The following SSX1 variants were observed in gnomAD, a reference collection of about 807,000 sequenced individuals.
SSX1 encodes SSX family member 1.
A neutral mutation model predicts 14.6 loss-of-function variants in SSX1; 58 were observed. The ratio of observed to expected loss-of-function variants is 3.96; its 90% CI spans 3.21 to 4.93. SSX1 has a LOEUF of 4.93. SSX1 is among the 30% of genes most tolerant of loss of function. The pLI, the probability that SSX1 is intolerant of heterozygous loss-of-function variation, is 0.00. For missense variants in SSX1, 272 were observed against 143.1 expected, an observed-to-expected ratio of 1.90 and a Z score of -4.60; for synonymous variants, 46 against 52.1, an observed-to-expected ratio of 0.88 and a Z score of 0.50.
At chrX:48,259,463 T>A (rs1468893809) in intron 4 of SSX1, among the ~76,000 whole-genome samples, 18 of 109,233 alleles carry the variant, frequency 1.6e-4, no homozygotes, top group African/African-American at 5.0e-4. Flanking sequence ...TGTTTTTTTT[T>A]ATTATACTTT....
At chrX:48,264,252 C>T (rs1399391816) in intron 6 of SSX1, among the ~76,000 whole-genome samples, 3 of 112,075 alleles carry the variant, frequency 2.7e-5, no homozygotes, top group Middle Eastern at 4.2e-3. Context: ...GGTGCTCAAG[C>T]GATTCTATCT....
At position 48,257,783 on chromosome X, in the gene SSX1, A is replaced by G. The variant is rs188890318; in HGVS notation, c.107A>G (p.Glu36Gly). 66 of 1,205,962 alleles carry G rather than the reference A, an allele frequency of 5.5e-5. No homozygotes were observed. In the African/African-American group the frequency reaches 9.1e-4, roughly 17 times the overall value. ...DDIATYFSKK[E>G]WKKMKYSEKI... is the part of the protein sequence containing the mutation. ...ATTGCCACATACTTCTCTAAGAAAG[A>G]GTGGAAAAAGATGAAATACTCGGAG... The change falls in exon 3 of 8, where the codon GAG becomes GGG. Residue 36 changes from glutamate to glycine, a missense_variant. Coordinates refer to ENST00000376919, the MANE Select transcript of SSX1 (RefSeq NM_005635.4).
rs2059605549 is a variant in SSX1 at position 48,261,949 on chromosome X, A to G, written c.330+134A>G. 4.6e-5 allele frequency: 33 copies of G among 709,781 alleles called. 1 individual carries two copies. In the South Asian group the frequency reaches 8.8e-4, roughly 19 times the overall value. 58.5% of individuals were successfully genotyped at this position (709,781 alleles called of 1,213,427 possible). On this transcript the variant is annotated intron_variant, in intron 5 of 7. Transcript: ENST00000376919. ...CCATGTCTATCACAACAACTTATGT[A>G]GCACCGACGGCTTGATAATACTAAC...
intron 5 of SSX1, 28 bp downstream of exon 5, chrX:48,261,843 A>G: frequency 8.3e-7 from 1 of 1,205,428 alleles, no homozygotes. Flanking sequence ...CTAAAGGACC[A>G]GAGAACCTTT....
At chrX:48,259,610 C>T (rs1556935165) in intron 4 of SSX1, among the ~76,000 whole-genome samples, 2 of 110,837 alleles carry the variant, frequency 1.8e-5, no homozygotes, top group African/African-American at 6.6e-5. Flanking sequence ...CCTCTCCCCA[C>T]CCCACAACAG....
rs782696594 is a variant in SSX1 at position 48,265,153 on chromosome X, C to G, written c.467-1134C>G. The stretch of plus-strand genomic sequence containing the variant: ...TGCAGCAGTAAGGCTGTTTTGCTTT[C>G]TTATTCTTGTGTTCACTGGGTATTA... On this transcript the variant is annotated intron_variant, in intron 6 of 7. Coordinates refer to ENST00000376919, the MANE Select transcript of SSX1 (RefSeq NM_005635.4). Among the ~76,000 whole-genome samples the G allele has an allele frequency of 1.5e-4, 17 of 112,382 alleles. No homozygotes were observed. The South Asian group carries it at 6.3e-3, about 42-fold the overall frequency.
chrX:48,257,027 C>T (rs782067714), intron 1 of SSX1, among the ~76,000 whole-genome samples, 195 bp from the exon 2 acceptor site: 1 of 111,366 alleles, frequency 9.0e-6, no homozygotes, highest in South Asian at 3.9e-4. Context: ...CCAAGCAATA[C>T]TTCTCCCAGA....
At chrX:48,262,489 C>A (rs1214128261) in intron 5 of SSX1, among the ~76,000 whole-genome samples, 2 of 111,868 alleles carry the variant, frequency 1.8e-5, no homozygotes, top group African/African-American at 6.5e-5. Flanking sequence ...GCTCTGTTAC[C>A]GGGGCCACTC....
At chrX:48,261,572 T>G (rs1421774110) in intron 4 of SSX1, among the ~76,000 whole-genome samples, 194 bp from the exon 5 acceptor site, 3 of 112,166 alleles carry the variant, frequency 2.7e-5, no homozygotes, top group Non-Finnish European at 5.6e-5. Flanking sequence ...CCATGTGATG[T>G]AAAATTCTGA....
chrX:48,258,578 C>T lies in SSX1; in HGVS notation c.227C>T (p.Ala76Val), dbSNP rs782594887. 2.5e-6 allele frequency: 3 copies of T among 1,208,806 alleles called. No homozygotes were observed. Among genetic ancestry groups the T allele is most frequent in the Non-Finnish European group, 2.2e-6 (2 of 893,762 alleles). Residue 76 changes from alanine to valine, a missense_variant, in exon 4 of 8, where the codon GCC (alanine) becomes GTC (valine). Physicochemically the swap from Ala to Val is moderately conservative, Grantham distance 64. Transcript: ENST00000376919. The part of the protein sequence containing the change: ...TLPPFMCNKQ[A>V]TDFQGNDFDN... ...CCACCTTTCATGTGTAATAAACAGG[C>T]CACAGACTTCCAGGGGAATGATTTT...
rs199778783 is a variant in SSX1 at position 48,266,320 on chromosome X, G to T, written c.500G>T (p.Arg167Ile). Reference sequence around the variant, plus strand: ...AGGGGGAAACATGCCTGGACCCACAGACTGCGTGAGAGAAAGCAGCTGGTG... The same window carrying T: ...AGGGGGAAACATGCCTGGACCCACATACTGCGTGAGAGAAAGCAGCTGGTG... ...PKRGKHAWTH[R>I]LRERKQLVIY... The change falls in exon 7 of 8, where the codon AGA becomes ATA. Residue 167 changes from arginine (R) to isoleucine (I), a missense_variant. Coordinates refer to ENST00000376919, the MANE Select transcript of SSX1 (RefSeq NM_005635.4). 3.6e-5 allele frequency: 44 copies of T among 1,208,164 alleles called. No individual in the cohort carries two copies. Among genetic ancestry groups the T allele is most frequent in the Non-Finnish European group, 4.8e-5 (43 of 895,078 alleles).
intron 4 of SSX1, among the ~76,000 whole-genome samples, chrX:48,260,355 C>T (rs1312507324): frequency 1.1e-3 from 127 of 110,746 alleles, no homozygotes; most frequent in South Asian, 6.1e-3. Context: ...GATATTAGCC[C>T]TTTGTCAGAT....
At chrX:48,255,894 CT>C (rs782152875) in intron 1 of SSX1, among the ~76,000 whole-genome samples, 148 of 77,477 alleles carry the variant, frequency 1.9e-3, no homozygotes, top group South Asian at 9.2e-3. Context: ...CCTGCCCATG[CT>C]TTTTTTTTTT....
At chrX:48,260,198 G>A (rs1257770713) in intron 4 of SSX1, among the ~76,000 whole-genome samples, 4 of 104,794 alleles carry the variant, frequency 3.8e-5, no homozygotes, top group African/African-American at 1.4e-4. Flanking sequence ...TTCTCTGATG[G>A]CCAGTGATGG....
chrX:48,263,120 G>A (rs1317850144), intron 5 of SSX1, among the ~76,000 whole-genome samples: 5 of 107,919 alleles, frequency 4.6e-5, no homozygotes, highest in African/African-American at 1.7e-4. Flanking sequence ...GTGACAGAGC[G>A]AGACTTTGTC....
chrX:48,264,226 G>A (rs1556936051), intron 6 of SSX1, among the ~76,000 whole-genome samples: 1 of 111,937 alleles, frequency 8.9e-6, no homozygotes, highest in Non-Finnish European at 1.9e-5. Context: ...AATCCTGAAG[G>A]CCTGATGACA....
In SSX1 at chrX:48,264,766, T is replaced by A. The variant is rs139671949; in HGVS notation, c.466+849T>A. 8.4e-4 allele frequency among the ~76,000 whole-genome samples: 95 copies of A among 112,986 alleles called. No individual in the cohort carries two copies. The East Asian group carries it at 0.02, about 23-fold the overall frequency. ...GAACTTCTTTCAAAGTTGGAGTCAA[T>A]CATCTCTAGCTATGAAAGTTTTAGA... On this transcript the variant is annotated intron_variant, in intron 6 of 7. Coordinates refer to ENST00000376919, the MANE Select transcript of SSX1 (RefSeq NM_005635.4).
rs113257388 is a variant in SSX1, at chrX:48,266,256, A to C, written c.467-31A>C. The C allele has an allele frequency of 4.5e-3, 5,377 of 1,207,750 alleles. 148 individuals are homozygous for C. The African/African-American group carries it at 0.084, about 19-fold the overall frequency. Reference sequence around the variant, plus strand: ...AGCCTAACACTCTTCAACGTACCCAACCCTCATCTTCCAACTCTTCTCCAT... The same window carrying C: ...AGCCTAACACTCTTCAACGTACCCACCCCTCATCTTCCAACTCTTCTCCAT... On this transcript the variant is annotated intron_variant, in intron 6 of 7. Coordinates refer to ENST00000376919, the MANE Select transcript of SSX1 (RefSeq NM_005635.4).
At chrX:48,261,868 GTGA>G in intron 5 of SSX1, 53 bp downstream of exon 5, 3 of 1,174,189 alleles carry the variant, frequency 2.6e-6, no homozygotes, top group Non-Finnish European at 3.5e-6. Context: ...TTTCATGGAT[GTGA>G]ACACTGATAA....
Sources: allele counts gnomAD v4.1 joint callset (sites outside exome capture counted in the v4.1 genomes callset), GRCh38; gene constraint gnomAD v4.1.1; transcripts MANE v1.5; gene names NCBI Gene and HGNC (gene_info 2026-07-23, HGNC 2026-07-21).